Variants in LRRC63 observed in about 807,000 individuals in gnomAD.
LRRC63 encodes the protein leucine rich repeat containing 63, also known as leucine-rich repeat-containing protein 63.
Under a neutral mutation model 49.5 loss-of-function variants are expected in LRRC63, and 40 were observed. The ratio of observed to expected loss-of-function variants is 0.81; its 90% CI spans 0.63 to 1.05. The LOEUF is 1.05. Among genes scored for constraint, LRRC63 ranks in the 50% least tolerant of loss-of-function variants. The probability of loss-of-function intolerance (pLI) is 0.00; values close to 1 mark genes in which losing one functional copy is unlikely to be tolerated. For missense variants in LRRC63, 636 were observed against 663.1 expected, an observed-to-expected ratio of 0.96 and a Z score of 0.45; for synonymous variants, 191 against 221.1, an observed-to-expected ratio of 0.86 and a Z score of 1.21.
intron 7 of LRRC63, among the ~76,000 whole-genome samples, chr13:46,261,487 A>G (rs762550269): frequency 6.6e-6 from 1 of 152,208 alleles, no homozygotes; most frequent in African/African-American, 2.4e-5. Context: ...GGGAGAAGCA[A>G]GGGACAGTTT....
intron 7 of LRRC63, among the ~76,000 whole-genome samples, chr13:46,258,290 T>C (rs945499784): frequency 4.0e-5 from 6 of 151,194 alleles, no homozygotes; most frequent in South Asian, 2.1e-4. Context: ...CCACCATGCC[T>C]GGCTAATTTT....
chr13:46,218,488 T>C (rs1296656488), intron 2 of LRRC63, among the ~76,000 whole-genome samples: 1 of 152,212 alleles, frequency 6.6e-6, no homozygotes, highest in Admixed American at 6.5e-5. Flanking sequence ...TTTGAGCCTA[T>C]GTGTGTCTTT....
chr13:46,245,629 T>TA (rs1159783636), intron 5 of LRRC63, among the ~76,000 whole-genome samples: 1 of 152,044 alleles, frequency 6.6e-6, no homozygotes, highest in South Asian at 2.1e-4. Flanking sequence ...ACACACTAAT[T>TA]AAAAAATAGG....
At position 46,255,645 on chromosome 13, in the gene LRRC63, A is replaced by AATATATATATATATATATAT. The variant is rs142798828; in HGVS notation, c.1226+5156_1226+5175dup. ...GGCAACAGAGTAAGACCCTGCCTCA[A>AATATATATATATATATATAT]ATATATATATATATATATATAGTTA... On this transcript the variant is annotated intron_variant, in intron 7 of 9. Transcript: ENST00000595396. Among the ~76,000 whole-genome samples the AATATATATATATATATATAT allele has an allele frequency of 5.0e-4, 65 of 129,436 alleles. 1 individual carries two copies. The highest frequency in any genetic ancestry group is 6.5e-4 in the Non-Finnish European group (40 of 61,138). The allele number at this position is 129,436 out of a possible 152,430, so 84.9% of individuals were successfully genotyped here.
intron 6 of LRRC63, 47 bp from the exon 7 acceptor site, chr13:46,250,308 A>T: frequency 7.2e-7 from 1 of 1,382,434 alleles, no homozygotes; most frequent in Non-Finnish European, 9.7e-7. Context: ...AATGATTTGC[A>T]TACTTTATTA....
intron 7 of LRRC63, among the ~76,000 whole-genome samples, chr13:46,253,627 A>T (rs2047439901): frequency 1.3e-5 from 2 of 152,032 alleles, no homozygotes; most frequent in South Asian, 2.1e-4. Flanking sequence ...GAGAGCTTGG[A>T]CTCCTCAAAG....
intron 2 of LRRC63, among the ~76,000 whole-genome samples, chr13:46,226,482 T>C (rs990664946): frequency 3.9e-5 from 6 of 152,182 alleles, no homozygotes; most frequent in African/African-American, 1.2e-4. Flanking sequence ...GAAACAGCAC[T>C]AGTAAACCAA....
rs939569353 is a variant in LRRC63, at chr13:46,241,661, A to C, written c.991-4866A>C. Among the ~76,000 whole-genome samples the C allele has an allele frequency of 3.0e-4, 46 of 152,216 alleles. 2 individuals are homozygous for C. The highest frequency in any genetic ancestry group is 1.1e-3 in the African/African-American group (46 of 41,440). On this transcript the variant is annotated intron_variant, in intron 5 of 9. Coordinates refer to ENST00000595396, the Ensembl canonical transcript of LRRC63. ...AACAACCCCATTAAAAAGTGGGCAA[A>C]GGCCATGAAAAGACACTCCAAAAGA...
chr13:46,261,941 A>G (rs1403191785), exon 8 of LRRC63: 6 of 1,164,312 alleles, frequency 5.2e-6, no homozygotes, highest in Non-Finnish European at 6.6e-6. Flanking sequence ...GAAGAACTTG[A>G]TGTTTCCTAT....
At chr13:46,249,923 A>C (rs1389540420) in intron 6 of LRRC63, 2 of 152,312 alleles carry the variant, frequency 1.3e-5, no homozygotes, top group Non-Finnish European at 2.9e-5. Flanking sequence ...ATGAAAAATC[A>C]GTGTACCTGA....
chr13:46,223,896 A>C (rs1749630), intron 2 of LRRC63, among the ~76,000 whole-genome samples: 48,110 of 151,956 alleles, frequency 0.32, 7,850 homozygotes, highest in East Asian at 0.42. Context: ...AACAAAAAAA[A>C]CCCACAGAAA....
chr13:46,258,967 T>C (rs1445383429), intron 7 of LRRC63, among the ~76,000 whole-genome samples: 1 of 152,130 alleles, frequency 6.6e-6, no homozygotes, highest in Admixed American at 6.5e-5. Context: ...ATAGGGCAAA[T>C]TAGAAGTTAA....
intron 8 of LRRC63, among the ~76,000 whole-genome samples, chr13:46,263,796 G>A (rs1264005820): frequency 1.3e-5 from 2 of 152,112 alleles, no homozygotes; most frequent in Non-Finnish European, 2.9e-5. Context: ...AATCTTACAA[G>A]CATTTTAGTT....
intron 7 of LRRC63, among the ~76,000 whole-genome samples, chr13:46,257,787 A>G (rs2047538698): frequency 1.3e-5 from 2 of 152,226 alleles, no homozygotes; most frequent in South Asian, 2.1e-4. Context: ...TATTTTTTCT[A>G]GATATTATCT....
intron 2 of LRRC63, among the ~76,000 whole-genome samples, chr13:46,214,849 G>A (rs1450424724): frequency 6.6e-6 from 1 of 152,134 alleles, no homozygotes; most frequent in Admixed American, 6.6e-5. Flanking sequence ...ACTTACAAGT[G>A]AGAACACACA....
At chr13:46,250,181 G>C in intron 6 of LRRC63, 174 bp from the exon 7 acceptor site, 1 of 519,476 alleles carries the variant, frequency 1.9e-6, no homozygotes, top group Admixed American at 3.4e-5. Context: ...ACCTATTAAT[G>C]CTGGTCACTT....
intron 7 of LRRC63, among the ~76,000 whole-genome samples, chr13:46,253,909 C>T (rs562690327): frequency 1.3e-5 from 2 of 152,172 alleles, no homozygotes; most frequent in African/African-American, 4.8e-5. Flanking sequence ...GACCTATTAA[C>T]CTCACAGGAG....
At chr13:46,274,367 G>T (rs772836732) in intron 9 of LRRC63, among the ~76,000 whole-genome samples, 1 of 152,168 alleles carries the variant, frequency 6.6e-6, no homozygotes, top group Non-Finnish European at 1.5e-5. Context: ...GTCTGCCCTT[G>T]GCTTTAATCC....
exon 3 of LRRC63, chr13:46,227,677 C>T (rs988279725): frequency 6.5e-7 from 1 of 1,550,254 alleles, no homozygotes; most frequent in African/African-American, 1.4e-5. Flanking sequence ...GAAAGAGTGA[C>T]TGCAATTTCA....
Sources: gnomAD v4.1 joint callset for allele counts (sites outside exome capture counted in the v4.1 genomes callset) on GRCh38, gnomAD v4.1.1 for gene constraint, MANE v1.5 for transcripts, NCBI Gene and HGNC (gene_info 2026-07-23, HGNC 2026-07-21) for gene names.